CPQ: variants seen among roughly 807,000 people sequenced by gnomAD.
The protein encoded by CPQ is carboxypeptidase Q.
CPQ carries 37 observed loss-of-function variants against 45.7 expected under a neutral mutation model. That is an observed-to-expected ratio of 0.81 (90% CI 0.62 to 1.07). CPQ has a LOEUF of 1.07. Ranked by LOEUF, CPQ falls within the 50% of genes least tolerant of loss-of-function variation. The pLI is 0.00. For synonymous variants in CPQ, 186 were observed against 205.8 expected (o/e 0.90, Z 0.82); for missense variants, 537 against 572.9 (o/e 0.94, Z 0.64).
rs531098087 is a variant in CPQ, at chr8:96,658,667, A to T, written c.-35+13265A>T. 4.1e-4 allele frequency among the ~76,000 whole-genome samples: 63 copies of T among 152,342 alleles called. 1 individual carries two copies. Among genetic ancestry groups the T allele is most frequent in the African/African-American group, 1.5e-3 (62 of 41,584 alleles). ...CAATGTAATCACAAAGGTCTTTAAA[A>T]GTGGAAGAGTGAAGCAGAAGAAGTC... On this transcript the variant is annotated intron_variant, in intron 1 of 7. Coordinates refer to ENST00000220763, the MANE Select transcript of CPQ (RefSeq NM_016134.4).
intron 1 of CPQ, among the ~76,000 whole-genome samples, chr8:96,647,129 T>C (rs989040179): frequency 2.0e-5 from 3 of 152,174 alleles, no homozygotes; most frequent in Non-Finnish European, 4.4e-5. Flanking sequence ...ACCTTGGAGA[T>C]TTTTTAAAGG....
rs59043894 is a variant in CPQ at position 96,926,625 on chromosome 8, C to CTTCTTCTTCTTCTTCTTCTT, written c.850-39310_850-39309insTTCTTCTTCTTCTTCTTCTT. On this transcript the variant is annotated intron_variant, in intron 4 of 7. Transcript: ENST00000220763. Reference sequence around the variant, plus strand: ...TTCTTCTTCTTCTTCTTCTTCTTCTCCTCCTTCTCCTTCTTCTTCTTCTCC... The same window carrying CTTCTTCTTCTTCTTCTTCTT: ...TTCTTCTTCTTCTTCTTCTTCTTCTCTTCTTCTTCTTCTTCTTCTTCTCCTTCTCCTTCTTCTTCTTCTCC... 3.3e-3 allele frequency among the ~76,000 whole-genome samples: 195 copies of CTTCTTCTTCTTCTTCTTCTT among 58,410 alleles called. 11 individuals are homozygous for CTTCTTCTTCTTCTTCTTCTT. The highest frequency in any genetic ancestry group is 0.011 in the African/African-American group (169 of 15,850). 38.3% of individuals were successfully genotyped at this position (58,410 alleles called of 152,430 possible).
At position 96,967,010 on chromosome 8, in the gene CPQ, A is replaced by T. The variant is rs373079295; in HGVS notation, c.961+964A>T. 2.2e-4 allele frequency among the ~76,000 whole-genome samples: 33 copies of T among 152,358 alleles called. 1 individual carries two copies. In the East Asian group the frequency reaches 3.7e-3, roughly 17 times the overall value. On this transcript the variant is annotated intron_variant, in intron 5 of 7. Coordinates refer to ENST00000220763, the MANE Select transcript of CPQ (RefSeq NM_016134.4). ...ATTTTAGAATTGGGGAAGGTTTGAG[A>T]GAGAAGTTATCCAGCAAATAAAACT... is the stretch of plus-strand genomic sequence containing the variant.
chr8:97,093,532 A>G (rs1431761382), intron 7 of CPQ, among the ~76,000 whole-genome samples: 3 of 152,162 alleles, frequency 2.0e-5, no homozygotes, highest in Non-Finnish European at 4.4e-5. Flanking sequence ...ACCTGCATAT[A>G]TACCCCCTAA....
At chr8:97,007,602 A>G (rs1809405532) in intron 5 of CPQ, among the ~76,000 whole-genome samples, 1 of 152,342 alleles carries the variant, frequency 6.6e-6, no homozygotes, top group South Asian at 2.1e-4. Flanking sequence ...AACTATTTCT[A>G]AAATGACAAA....
chr8:96,925,220 G>A (rs1362510362), intron 4 of CPQ, among the ~76,000 whole-genome samples: 1 of 152,074 alleles, frequency 6.6e-6, no homozygotes, highest in African/African-American at 2.4e-5. Flanking sequence ...TAAGGCCCTG[G>A]CATAATTTCT....
intron 7 of CPQ, among the ~76,000 whole-genome samples, chr8:97,137,890 A>G (rs1586559098): frequency 6.6e-6 from 1 of 151,814 alleles, no homozygotes; most frequent in Non-Finnish European, 1.5e-5. Context: ...TCCGTCTCAA[A>G]AAAAAAAAAG....
Position 96,863,576 on chromosome 8 carries a change from G to C in CPQ, c.642-16222G>C, listed in dbSNP as rs113919526. On this transcript the variant is annotated intron_variant, in intron 3 of 7. Coordinates refer to ENST00000220763, the MANE Select transcript of CPQ (RefSeq NM_016134.4). ...AATGAGCTTATTTCTTTTGCATATG[G>C]CATGTAGGAGAGGAAAAGGATTCCT... Among the ~76,000 whole-genome samples the C allele has an allele frequency of 7.9e-3, 1,198 of 152,082 alleles. 12 individuals carry two copies. The highest frequency in any genetic ancestry group is 0.027 in the African/African-American group (1,118 of 41,532).
At chr8:96,685,755 A>G (rs1470111527) in intron 1 of CPQ, among the ~76,000 whole-genome samples, 1 of 152,092 alleles carries the variant, frequency 6.6e-6, no homozygotes, top group Non-Finnish European at 1.5e-5. Flanking sequence ...TGTTTCAAAT[A>G]GTGTTAATTG....
intron 6 of CPQ, 77 bp from the exon 7 acceptor site, chr8:97,065,932 A>T: frequency 7.1e-7 from 1 of 1,398,988 alleles, no homozygotes; most frequent in Non-Finnish European, 1.0e-6. Flanking sequence ...AGTATTTGGT[A>T]ATTGTTGTTT....
intron 1 of CPQ, among the ~76,000 whole-genome samples, chr8:96,754,544 G>A (rs1227603043): frequency 5.9e-5 from 9 of 152,102 alleles, no homozygotes; most frequent in South Asian, 2.1e-4. Context: ...TCTTGAAAAC[G>A]TGAAAGGCCT....
At chr8:96,719,040 C>G (rs568486110) in intron 1 of CPQ, among the ~76,000 whole-genome samples, 1 of 152,242 alleles carries the variant, frequency 6.6e-6, no homozygotes, top group Non-Finnish European at 1.5e-5. Context: ...GATCCCGCAC[C>G]GGGGCTGCAG....
At chr8:96,740,048 T>G (rs1249408591) in intron 1 of CPQ, among the ~76,000 whole-genome samples, 1 of 152,124 alleles carries the variant, frequency 6.6e-6, no homozygotes, top group East Asian at 1.9e-4. Context: ...TAAATTACCT[T>G]GGGCAGTATG....
chr8:96,784,185 A>G (rs958805589), intron 1 of CPQ, among the ~76,000 whole-genome samples: 6 of 152,130 alleles, frequency 3.9e-5, no homozygotes, highest in African/African-American at 1.4e-4. Context: ...TATTGTTATT[A>G]TTATTTATTA....
chr8:96,735,983 G>A (rs893371737), intron 1 of CPQ, among the ~76,000 whole-genome samples: 3 of 152,044 alleles, frequency 2.0e-5, no homozygotes, highest in East Asian at 3.9e-4. Flanking sequence ...GGGTCACACC[G>A]AGATACTGAG....
At chr8:96,731,862 C>T (rs1004158782) in intron 1 of CPQ, among the ~76,000 whole-genome samples, 2 of 151,352 alleles carry the variant, frequency 1.3e-5, no homozygotes, top group Admixed American at 6.6e-5. Context: ...TTTTTTTGTT[C>T]CAATATGGTT....
chr8:96,744,732 A>G (rs935931324), intron 1 of CPQ, among the ~76,000 whole-genome samples: 4 of 152,174 alleles, frequency 2.6e-5, no homozygotes, highest in Admixed American at 6.5e-5. Flanking sequence ...GTCTCTTGCA[A>G]TAACTTAGAG....
In CPQ at chr8:97,123,100, TAAATAAAATA is replaced by T. The variant is rs1180429427; in HGVS notation, c.1256-19902_1256-19893del. Among the ~76,000 whole-genome samples the T allele has an allele frequency of 7.3e-3, 273 of 37,182 alleles. 11 individuals carry two copies. Among genetic ancestry groups the T allele is most frequent in the Non-Finnish European group, 0.012 (216 of 18,192 alleles). 24.4% of individuals were successfully genotyped at this position (37,182 alleles called of 152,430 possible). A position where few individuals can be genotyped will look rare whatever the true frequency, so the allele number is the denominator to read the frequency against. Reference sequence around the variant, plus strand: ...ATAAAATAAATAAAATAAAATAAAATAAATAAAATAAAATAAAATAAAATAAATAAAATAA... The same window carrying T: ...ATAAAATAAATAAAATAAAATAAAATAAATAAAATAAAATAAATAAAATAA... On this transcript the variant is annotated intron_variant, in intron 7 of 7. Transcript: ENST00000220763.
intron 1 of CPQ, among the ~76,000 whole-genome samples, chr8:96,704,118 A>G (rs1809502219): frequency 6.6e-6 from 1 of 152,142 alleles, no homozygotes; most frequent in South Asian, 2.1e-4. Flanking sequence ...ACCCTTTGAA[A>G]CTTATATTCC....
Sources: allele counts gnomAD v4.1 joint callset (sites outside exome capture counted in the v4.1 genomes callset), GRCh38; gene constraint gnomAD v4.1.1; transcripts MANE v1.5; gene names NCBI Gene and HGNC (gene_info 2026-07-23, HGNC 2026-07-21).